MINDY4B: variants seen among roughly 807,000 people sequenced by gnomAD.
The protein encoded by MINDY4B is MINDY family member 4B.
In MINDY4B, 25 loss-of-function variants were observed where a neutral mutation model predicts 16.7. That is an observed-to-expected ratio of 1.49 (90% confidence interval 1.09 to 2.09). The LOEUF (loss-of-function observed/expected upper bound fraction) is 2.09. Among genes scored for constraint, MINDY4B ranks in the 30% most tolerant of loss-of-function variants. MINDY4B has a pLI of 0.00. For synonymous variants in MINDY4B, 132 were observed against 61.9 expected (o/e 2.13, Z -5.32); for missense variants, 327 against 168.4 (o/e 1.94, Z -5.21).
At chr3:150,883,922 G>A in intron 8 of MINDY4B, 150 bp from the exon 9 acceptor site, 1 of 608,862 alleles carries the variant, frequency 1.6e-6, no homozygotes, top group Non-Finnish European at 2.9e-6. Context: ...CACAGGGAAA[G>A]CCTCTAGATC....
intron 10 of MINDY4B, among the ~76,000 whole-genome samples, chr3:150,874,259 A>T (rs996215092): frequency 6.6e-6 from 1 of 151,948 alleles, no homozygotes; most frequent in South Asian, 2.1e-4. Flanking sequence ...CAAGCAATCT[A>T]CCTGCCTTGG....
Position 150,882,951 on chromosome 3 carries a change from A to G in MINDY4B, c.1005T>C (p.Asp335=). The part of the protein sequence containing the change: ...ETLHGVLTRS[D]VGYLQWGKDA... ...CCTTACCCCACTGCAAATAGCCAACATCACTGCGGGTCAGGACTCCATGTA... is the reference window on the plus strand; with the variant it reads ...CCTTACCCCACTGCAAATAGCCAACGTCACTGCGGGTCAGGACTCCATGTA... Residue 335 remains aspartate (D), a synonymous_variant, in exon 10 of 12, where the codon GAT becomes GAC. Coordinates refer to ENST00000465419, the MANE Select transcript of MINDY4B (RefSeq NM_001351281.2). The G allele has an allele frequency of 1.4e-6, 1 of 702,920 alleles. No homozygotes were observed. Among genetic ancestry groups the G allele is most frequent in the South Asian group, 1.5e-5 (1 of 67,590 alleles). 43.5% of individuals were successfully genotyped at this position (702,920 alleles called of 1,614,324 possible). A position where few individuals can be genotyped will look rare whatever the true frequency, so the allele number is the denominator to read the frequency against.
chr3:150,878,512 G>A (rs1559964462), intron 10 of MINDY4B, among the ~76,000 whole-genome samples: 1 of 152,104 alleles, frequency 6.6e-6, no homozygotes, highest in East Asian at 1.9e-4. Context: ...TACAATTTCA[G>A]GCAATTTTCA....
Position 150,893,781 on chromosome 3 carries a change from C to A in MINDY4B, c.430-366G>T, listed in dbSNP as rs73003600. 3.4e-3 allele frequency among the ~76,000 whole-genome samples: 515 copies of A among 151,860 alleles called. 3 individuals are homozygous for A. The highest frequency in any genetic ancestry group is 0.012 in the African/African-American group (494 of 41,490). On this transcript the variant is annotated intron_variant, in intron 4 of 11. Transcript: ENST00000465419. The stretch of plus-strand genomic sequence containing the variant: ...CCTCATCTCACTGCAACTTCCACCC[C>A]CTGGGTTCAAGCAATTCTCCTACCT...
At chr3:150,891,761 CAAAAAA>C (rs35565267) in intron 5 of MINDY4B, among the ~76,000 whole-genome samples, 1,309 of 68,650 alleles carry the variant, frequency 0.019, 10 homozygotes, top group Non-Finnish European at 0.026. Flanking sequence ...GACTCCATCT[CAAAAAA>C]AAAAAAAAAA....
chr3:150,905,172 G>A, intron 1 of MINDY4B, 83 bp from the exon 2 acceptor site: 1 of 398,376 alleles, frequency 2.5e-6, no homozygotes, highest in Non-Finnish European at 4.4e-6. Flanking sequence ...CCCCAACCTT[G>A]CTAGGGAAGT....
At chr3:150,898,985 A>G (rs1011791129) in intron 3 of MINDY4B, among the ~76,000 whole-genome samples, 1 of 152,140 alleles carries the variant, frequency 6.6e-6, no homozygotes, top group Non-Finnish European at 1.5e-5. Context: ...CTTATGAATT[A>G]CTAGACCATC....
intron 5 of MINDY4B, among the ~76,000 whole-genome samples, chr3:150,892,757 C>A (rs577765397): frequency 1.1e-4 from 17 of 148,014 alleles, no homozygotes; most frequent in Non-Finnish European, 2.4e-4. Context: ...CCAGCCTGGC[C>A]AACATGGTGA....
intron 10 of MINDY4B, among the ~76,000 whole-genome samples, chr3:150,878,174 C>T (rs1053689779): frequency 1.3e-5 from 2 of 152,062 alleles, no homozygotes; most frequent in Non-Finnish European, 2.9e-5. Flanking sequence ...ACAATAGGTG[C>T]TATATGCACA....
intron 3 of MINDY4B, among the ~76,000 whole-genome samples, chr3:150,896,746 C>T (rs1424444177): frequency 6.6e-6 from 1 of 152,160 alleles, no homozygotes; most frequent in Non-Finnish European, 1.5e-5. Context: ...GTGAGTGTCT[C>T]AGCCATGGAT....
intron 3 of MINDY4B, 124 bp downstream of exon 3, chr3:150,903,125 A>T: frequency 5.0e-6 from 2 of 396,856 alleles, no homozygotes; most frequent in Non-Finnish European, 8.9e-6. Context: ...TCCTTTTACC[A>T]ATAACAACCA....
intron 11 of MINDY4B, 139 bp from the exon 12 acceptor site, chr3:150,871,326 G>T: frequency 1.6e-6 from 1 of 610,350 alleles, no homozygotes; most frequent in Non-Finnish European, 2.9e-6. Context: ...AAGCAGATGG[G>T]GATTCAAGCA....
At chr3:150,904,954 T>C (rs1474464177) in intron 2 of MINDY4B, 108 bp downstream of exon 2, 2 of 397,930 alleles carry the variant, frequency 5.0e-6, no homozygotes, top group Non-Finnish European at 8.9e-6. Context: ...TAAATGCCAG[T>C]GCCTGAGTGA....
chr3:150,875,115 C>A (rs1559963756), intron 10 of MINDY4B, among the ~76,000 whole-genome samples: 1 of 152,184 alleles, frequency 6.6e-6, no homozygotes, highest in Non-Finnish European at 1.5e-5. Context: ...CCAGTCTGCC[C>A]ACTGGTTACA....
At position 150,877,380 on chromosome 3, in the gene MINDY4B, A is replaced by G. The variant is rs115625582; in HGVS notation, c.1060-4013T>C. On this transcript the variant is annotated intron_variant, in intron 10 of 11. Coordinates refer to ENST00000465419, the MANE Select transcript of MINDY4B (RefSeq NM_001351281.2). ...TAGTTGGCATTTTCACGGGTCTCAT[A>G]CAGAATCAGAAAGGAAAGGTAGTGG... 6.4e-3 allele frequency among the ~76,000 whole-genome samples: 974 copies of G among 152,302 alleles called. 11 individuals are homozygous for G. Among genetic ancestry groups the G allele is most frequent in the African/African-American group, 0.022 (935 of 41,568 alleles).
chr3:150,875,563 C>T (rs374047407), intron 10 of MINDY4B, among the ~76,000 whole-genome samples: 16 of 152,172 alleles, frequency 1.1e-4, no homozygotes, highest in African/African-American at 3.4e-4. Flanking sequence ...CTGCCAGGTG[C>T]TGACTGACAC....
rs1044993169 is a variant in MINDY4B at position 150,883,052 on chromosome 3, G to A, written c.904C>T (p.Leu302=). The part of the protein sequence containing the change: ...AGGFLCRQAV[L]NMILTGRASP... The stretch of plus-strand genomic sequence containing the variant: ...GCTCTTCCAGTTAAAATCATGTTCA[G>A]AACTGCCTAGAGAGCATATTTTACA... Residue 302 remains leucine (L), a synonymous_variant, in exon 10 of 12, where the codon CTG becomes TTG. Coordinates refer to ENST00000465419, the MANE Select transcript of MINDY4B (RefSeq NM_001351281.2). The A allele has an allele frequency of 4.3e-6, 3 of 700,256 alleles. No individual in the cohort carries two copies. The highest frequency in any genetic ancestry group is 7.8e-6 in the Non-Finnish European group (3 of 383,556). 43.4% of individuals were successfully genotyped at this position (700,256 alleles called of 1,614,324 possible).
At chr3:150,903,502 T>C (rs1712165438) in intron 2 of MINDY4B, 86 bp from the exon 3 acceptor site, 1 of 397,590 alleles carries the variant, frequency 2.5e-6, no homozygotes. Flanking sequence ...CTCTCTGAAA[T>C]ACCAGTGTTC....
Position 150,895,238 on chromosome 3 carries a change from G to T in MINDY4B, c.310-933C>A, listed in dbSNP as rs568425433. Among the ~76,000 whole-genome samples, 5 of 152,112 alleles carry T rather than the reference G, an allele frequency of 3.3e-5. No individual in the cohort carries two copies. The South Asian group carries it at 1.0e-3, about 32-fold the overall frequency. On this transcript the variant is annotated intron_variant, in intron 3 of 11. Coordinates refer to ENST00000465419, the MANE Select transcript of MINDY4B (RefSeq NM_001351281.2). The stretch of plus-strand genomic sequence containing the variant: ...TTCACCCAGTTAGTAGACACAGCTG[G>T]GTTTTTACCCATTCTCTTAACACCT...
Sources: gnomAD v4.1 joint callset for allele counts (sites outside exome capture counted in the v4.1 genomes callset) on GRCh38, gnomAD v4.1.1 for gene constraint, MANE v1.5 for transcripts, NCBI Gene and HGNC (gene_info 2026-07-23, HGNC 2026-07-21) for gene names.